Variants in USP14 observed in about 807,000 individuals in gnomAD.
The protein encoded by USP14 is ubiquitin specific peptidase 14.
A neutral mutation model predicts 76.5 loss-of-function variants in USP14; 38 were observed. The ratio of observed to expected loss-of-function variants is 0.50; its 90% CI spans 0.38 to 0.65. The LOEUF (loss-of-function observed/expected upper bound fraction) is 0.65. USP14 is among the 30% of genes least tolerant of loss of function. USP14 has a pLI of 0.00. For synonymous variants in USP14, 192 were observed against 191.7 expected, an observed-to-expected ratio of 1.00 and a Z score of -0.01; for missense variants, 467 against 586.5, an observed-to-expected ratio of 0.80 and a Z score of 2.10.
chr18:180,209 TC>T (rs775945149), intron 4 of USP14, 26 bp from the exon 5 acceptor site: 89 of 1,245,388 alleles, frequency 7.1e-5, no homozygotes, highest in Non-Finnish European at 8.9e-5. Context: ...AATGATTTAA[TC>T]CTTTTTTTTT....
At chr18:187,814 A>C (rs907466565) in intron 5 of USP14, among the ~76,000 whole-genome samples, 1 of 152,190 alleles carries the variant, frequency 6.6e-6, no homozygotes, top group African/African-American at 2.4e-5. Flanking sequence ...GAAAATTTTA[A>C]TGTAGTTTTT....
At chr18:171,025 A>AAAAAAAAAATATATATAT (rs1327304974) in intron 3 of USP14, among the ~76,000 whole-genome samples, 2 of 47,684 alleles carry the variant, frequency 4.2e-5, no homozygotes, top group African/African-American at 1.7e-4. Flanking sequence ...AAAAAAAAAA[A>AAAAAAAAAATATATATAT]ATATATATAT....
intron 13 of USP14, among the ~76,000 whole-genome samples, chr18:205,239 G>A (rs941127048): frequency 2.0e-5 from 3 of 152,142 alleles, no homozygotes; most frequent in Non-Finnish European, 4.4e-5. Flanking sequence ...CTTTGTGGTA[G>A]AATAAGCTTA....
At chr18:163,112 A>G in intron 1 of USP14, 196 bp from the exon 2 acceptor site, 2 of 450,492 alleles carry the variant, frequency 4.4e-6, no homozygotes, top group South Asian at 8.7e-5. Flanking sequence ...TGAAATGAGA[A>G]GTTAGGTTTG....
intron 5 of USP14, among the ~76,000 whole-genome samples, chr18:182,469 G>A (rs1479725458): frequency 6.6e-6 from 1 of 152,154 alleles, no homozygotes; most frequent in Non-Finnish European, 1.5e-5. Context: ...TGACTTTAAA[G>A]GTTTTCTACA....
chr18:208,404 A>G (rs937472647), intron 13 of USP14, among the ~76,000 whole-genome samples: 1 of 152,046 alleles, frequency 6.6e-6, no homozygotes, highest in African/African-American at 2.4e-5. Flanking sequence ...CTTGAGGATT[A>G]TTAATTTTAT....
chr18:165,191 C>T (rs1291126029), intron 2 of USP14, among the ~76,000 whole-genome samples: 1 of 152,184 alleles, frequency 6.6e-6, no homozygotes, highest in Non-Finnish European at 1.5e-5. Flanking sequence ...AGTGATATGC[C>T]TGCCTCGGGC....
At chr18:164,571 A>T (rs1909216186) in intron 2 of USP14, among the ~76,000 whole-genome samples, 1 of 152,022 alleles carries the variant, frequency 6.6e-6, no homozygotes, top group Non-Finnish European at 1.5e-5. Context: ...CTTATGCCTC[A>T]GCCTCCTGAG....
chr18:162,429 A>G (rs1198548908), intron 1 of USP14, among the ~76,000 whole-genome samples: 1 of 152,172 alleles, frequency 6.6e-6, no homozygotes, highest in Non-Finnish European at 1.5e-5. Flanking sequence ...TATATTTTTA[A>G]ATGATTTAGA....
chr18:198,401 A>AT (rs1172663253), intron 9 of USP14, among the ~76,000 whole-genome samples: 3 of 152,092 alleles, frequency 2.0e-5, no homozygotes, highest in East Asian at 1.9e-4. Context: ...TACCCAGCTA[A>AT]TTTTTTGTAT....
At position 196,688 on chromosome 18, in the gene USP14, CTAT is replaced by C; in HGVS notation, c.520_522del (p.Ile174del). ...GATAAAACTTCTTCCAGTATTCCAC[CTAT>C]TATTCTACTGCAGTTTTTGCACATG... On this transcript the variant is annotated inframe_deletion, in exon 7 of 16. Transcript: ENST00000261601. 1 of 1,613,948 alleles carries C rather than the reference CTAT, an allele frequency of 6.2e-7. No homozygotes were observed.
rs1301929777 is a variant in USP14 at position 211,546 on chromosome 18, A to G, written c.*262A>G. 5 of 299,214 alleles carry G rather than the reference A, an allele frequency of 1.7e-5. No individual in the cohort carries two copies. In the Admixed American group the frequency reaches 2.5e-4, roughly 15 times the overall value. 18.5% of individuals were successfully genotyped at this position (299,214 alleles called of 1,614,324 possible). A position where few individuals can be genotyped will look rare whatever the true frequency, so the allele number is the denominator to read the frequency against. The stretch of plus-strand genomic sequence containing the variant: ...CTTATTATTTCTTGCATTATTTTAA[A>G]AAGTTCAGAGTTGAAATGCCTTTCA... On this transcript the variant is annotated 3_prime_UTR_variant, in exon 16 of 16. Transcript: ENST00000261601.
chr18:190,137 A>G (rs765539882), intron 5 of USP14, among the ~76,000 whole-genome samples: 9 of 152,110 alleles, frequency 5.9e-5, no homozygotes, highest in East Asian at 1.9e-4. Flanking sequence ...TTCATGCTAT[A>G]TAGTATAGTA....
intron 13 of USP14, among the ~76,000 whole-genome samples, chr18:206,152 G>A (rs1407481233): frequency 1.3e-5 from 2 of 152,230 alleles, no homozygotes; most frequent in African/African-American, 4.8e-5. Flanking sequence ...TTCTAGAGTG[G>A]CTGTACCATT....
intron 5 of USP14, among the ~76,000 whole-genome samples, chr18:189,649 G>C (rs554178174): frequency 2.0e-5 from 3 of 152,064 alleles, no homozygotes; most frequent in African/African-American, 7.2e-5. Context: ...CGCCCAGCTA[G>C]TTTTTGTATT....
intron 3 of USP14, among the ~76,000 whole-genome samples, chr18:173,563 C>T (rs541409044): frequency 1.3e-5 from 2 of 152,206 alleles, no homozygotes; most frequent in East Asian, 3.9e-4. Context: ...AGGCATGCAC[C>T]ACCACACCCA....
intron 2 of USP14, among the ~76,000 whole-genome samples, chr18:165,802 T>C (rs1425035613): frequency 1.3e-5 from 2 of 152,164 alleles, no homozygotes; most frequent in African/African-American, 4.8e-5. Context: ...AGACCTTAAA[T>C]TGAGAAGGGC....
chr18:169,562 G>A (rs1361270194), intron 3 of USP14, among the ~76,000 whole-genome samples: 11 of 151,670 alleles, frequency 7.3e-5, no homozygotes, highest in Admixed American at 7.2e-4. Context: ...TCTGGGATGT[G>A]CAGTTCTCAA....
chr18:214,319 C>CTAAT lies in USP14; in HGVS notation c.*3037_*3040dup, dbSNP rs910378388. The CTAAT allele has an allele frequency of 2.2e-5, 5 of 228,640 alleles. No individual in the cohort carries two copies. Among genetic ancestry groups the CTAAT allele is most frequent in the Admixed American group, 1.0e-4 (2 of 19,340 alleles). 14.2% of individuals were successfully genotyped at this position (228,640 alleles called of 1,614,324 possible). A position where few individuals can be genotyped will look rare whatever the true frequency, so the allele number is the denominator to read the frequency against. ...CTACTAACAAACAACACACAGGAAA[C>CTAAT]TAATTTGGTATAAGAAACGACATAT... On this transcript the variant is annotated 3_prime_UTR_variant, in exon 16 of 16. Coordinates refer to ENST00000261601, the MANE Select transcript of USP14 (RefSeq NM_005151.4).
Sources: allele counts gnomAD v4.1 joint callset (sites outside exome capture counted in the v4.1 genomes callset), GRCh38; gene constraint gnomAD v4.1.1; transcripts MANE v1.5; gene names NCBI Gene and HGNC (gene_info 2026-07-23, HGNC 2026-07-21).